Variants in GNB5 observed in about 807,000 individuals in gnomAD.
GNB5 encodes guanine nucleotide-binding protein subunit beta-5.
In GNB5, 37 loss-of-function variants were observed where a neutral mutation model predicts 55.3. That is an observed-to-expected ratio of 0.67 (90% confidence interval 0.51 to 0.88). The LOEUF (loss-of-function observed/expected upper bound fraction) is 0.88, where lower values mean the gene tolerates loss of function less well. Among genes scored for constraint, GNB5 ranks in the 40% least tolerant of loss-of-function variants. The probability of loss-of-function intolerance (pLI) is 0.00; values close to 1 mark genes in which losing one functional copy is unlikely to be tolerated. For missense variants in GNB5, 476 were observed against 515.3 expected (o/e 0.92, Z 0.74); for synonymous variants, 219 against 198.5 (o/e 1.10, Z -0.87).
chr15:52,124,467 T>C lies in GNB5; in HGVS notation c.1176+6A>G. 1 of 1,610,842 alleles carries C rather than the reference T, an allele frequency of 6.2e-7. No homozygotes were observed. Among genetic ancestry groups the C allele is most frequent in the Non-Finnish European group, 8.5e-7 (1 of 1,177,534 alleles). On this transcript the variant is annotated splice_donor_region_variant and intron_variant, in intron 12 of 12. Transcript: ENST00000261837. ...ACACAGGAAAACAGAAAACCATCCC[T>C]CTTACTCTGAGGGTATGATCCCATG...
chr15:52,154,195 C>G (rs2034160637), intron 3 of GNB5, 119 bp from the exon 4 acceptor site: 2 of 800,430 alleles, frequency 2.5e-6, no homozygotes, highest in Non-Finnish European at 3.8e-6. Flanking sequence ...TCCTCCATAA[C>G]AAGCCACAGC....
intron 3 of GNB5, among the ~76,000 whole-genome samples, chr15:52,157,863 T>C (rs1366139605): frequency 2.6e-5 from 4 of 151,166 alleles, no homozygotes; most frequent in African/African-American, 7.3e-5. Flanking sequence ...ATCCACTGAA[T>C]TAAAACAAAT....
chr15:52,124,128 G>A (rs1399958977), intron 12 of GNB5, among the ~76,000 whole-genome samples: 1 of 152,122 alleles, frequency 6.6e-6, no homozygotes, highest in African/African-American at 2.4e-5. Context: ...TATACTATAG[G>A]AGGAGAGACT....
chr15:52,179,554 G>C (rs1358974641), intron 3 of GNB5, among the ~76,000 whole-genome samples: 2 of 151,608 alleles, frequency 1.3e-5, no homozygotes, highest in Admixed American at 6.6e-5. Context: ...CAGGTGCCCG[G>C]ACCCTCCGAG....
chr15:52,168,924 A>C (rs1032024291), intron 3 of GNB5, among the ~76,000 whole-genome samples: 5 of 152,386 alleles, frequency 3.3e-5, no homozygotes, highest in African/African-American at 1.2e-4. Context: ...CATATGCAGA[A>C]GACTGAAACT....
At chr15:52,130,307 C>T (rs1427967982) in intron 9 of GNB5, among the ~76,000 whole-genome samples, 1 of 152,180 alleles carries the variant, frequency 6.6e-6, no homozygotes, top group Non-Finnish European at 1.5e-5. Flanking sequence ...CTTGGGTGGA[C>T]ATGGTAGCCA....
intron 1 of GNB5, among the ~76,000 whole-genome samples, chr15:52,190,476 T>A (rs772453969): frequency 2.0e-5 from 3 of 152,164 alleles, no homozygotes; most frequent in Non-Finnish European, 4.4e-5. Flanking sequence ...ATGAGGATAC[T>A]TATATGGTCA....
chr15:52,179,842 G>A lies in GNB5; in HGVS notation c.164C>T (p.Ala55Val), dbSNP rs148733723. 56 of 1,553,558 alleles carry A rather than the reference G, an allele frequency of 3.6e-5. No individual in the cohort carries two copies. In the African/African-American group the frequency reaches 6.7e-4, roughly 19 times the overall value. ...TEGLHENETL[A>V]SLKSEAESLK... is the part of the protein sequence containing the mutation. ...GCTCTCGGCCTCGCTCTTCAGCGAC[G>A]CCAGCGTCTCGTTCTCGTGCAGCCC... Residue 55 changes from alanine (A) to valine (V), a missense_variant, in exon 3 of 13, where the codon GCG becomes GTG. By Grantham distance (64) the Ala-to-Val change is moderately conservative (BLOSUM62 0). Transcript: ENST00000261837.
rs1168734914 is a variant in GNB5 at position 52,136,172 on chromosome 15, A to ACACACACACACACAC, written c.628-417_628-416insGTGTGTGTGTGTGTG. ...CACACACACACACACACACACACAC[A>ACACACACACACACAC]CCCTACCTGCTGTATCTGGGTTCAT... On this transcript the variant is annotated intron_variant, in intron 7 of 12. Coordinates refer to ENST00000261837, the MANE Select transcript of GNB5 (RefSeq NM_016194.4). Among the ~76,000 whole-genome samples the ACACACACACACACAC allele has an allele frequency of 1.2e-3, 124 of 100,088 alleles. 8 individuals are homozygous for ACACACACACACACAC. The highest frequency in any genetic ancestry group is 3.1e-3 in the African/African-American group (71 of 22,772). The allele number at this position is 100,088 out of a possible 152,430, so 65.7% of individuals were successfully genotyped here. A position where few individuals can be genotyped will look rare whatever the true frequency, so the allele number is the denominator to read the frequency against.
chr15:52,122,678 G>C lies in GNB5; in HGVS notation c.*79C>G, dbSNP rs1189765290. ...TAAGCTACACTGCAATAAACTCTAA[G>C]CTCCTCTAGAAGTAATATCTATTTA... On this transcript the variant is annotated 3_prime_UTR_variant, in exon 13 of 13. Coordinates refer to ENST00000261837, the MANE Select transcript of GNB5 (RefSeq NM_016194.4). 3 of 1,149,118 alleles carry C rather than the reference G, an allele frequency of 2.6e-6. No homozygotes were observed. The highest frequency in any genetic ancestry group is 4.0e-6 in the Non-Finnish European group (3 of 757,508). 71.2% of individuals were successfully genotyped at this position (1,149,118 alleles called of 1,614,324 possible). A position where few individuals can be genotyped will look rare whatever the true frequency, so the allele number is the denominator to read the frequency against.
At chr15:52,180,129 G>A (rs1416934140) in intron 2 of GNB5, 3 of 311,998 alleles carry the variant, frequency 9.6e-6, no homozygotes, top group African/African-American at 6.6e-5. Flanking sequence ...GGCAGGGAGT[G>A]TGACGCCCAT....
chr15:52,137,830 C>T, intron 7 of GNB5: 2 of 1,283,088 alleles, frequency 1.6e-6, no homozygotes, highest in South Asian at 2.5e-5. Context: ...GGGAGAAGCT[C>T]TCCCTGCCTT....
chr15:52,137,157 T>TG, intron 7 of GNB5: 1 of 853,496 alleles, frequency 1.2e-6, no homozygotes, highest in Non-Finnish European at 1.6e-6. Flanking sequence ...TTCTGCCAAG[T>TG]GGAGGTTCTC....
At chr15:52,189,594 G>T (rs947188070) in intron 1 of GNB5, among the ~76,000 whole-genome samples, 1 of 151,986 alleles carries the variant, frequency 6.6e-6, no homozygotes. Context: ...CAAAAAAAAA[G>T]AAAATATATG....
In GNB5 at chr15:52,135,640, T is replaced by C. The variant is rs2033683580; in HGVS notation, c.744A>G (p.Ser248=). The change falls in exon 8 of 13, where the codon TCA becomes TCG. Residue 248 remains serine (S), a synonymous_variant. Transcript: ENST00000261837. The stretch of plus-strand genomic sequence containing the variant: ...CAGACACGAAGGTGTTTCCAGTTTC[T>C]GAGGGGGCCAGGTCCAAGCAGAGGA... The part of the protein sequence containing the change: ...ADVLCLDLAP[S]ETGNTFVSGG... 1.1e-5 allele frequency: 18 copies of C among 1,613,680 alleles called. No individual in the cohort carries two copies. Among genetic ancestry groups the C allele is most frequent in the Non-Finnish European group, 1.4e-5 (17 of 1,179,898 alleles).
At position 52,125,730 on chromosome 15, in the gene GNB5, C is replaced by T. The variant is rs73402856; in HGVS notation, c.1009+218G>A. On this transcript the variant is annotated intron_variant, in intron 11 of 12. Transcript: ENST00000261837. ...CTTGAAGGACAGCATTAGGTGGGTA[C>T]ACAGCCTTCATTTCCCCCTGGAGTG... is the stretch of plus-strand genomic sequence containing the variant. 42,668 of 534,720 alleles carry T rather than the reference C, an allele frequency of 0.08. 5,410 individuals carry two copies. Among genetic ancestry groups the T allele is most frequent in the African/African-American group, 0.42 (22,261 of 52,452 alleles). 33.1% of individuals were successfully genotyped at this position (534,720 alleles called of 1,614,324 possible).
At chr15:52,184,005 T>G (rs1359220265) in intron 2 of GNB5, among the ~76,000 whole-genome samples, 2 of 152,244 alleles carry the variant, frequency 1.3e-5, no homozygotes, top group Non-Finnish European at 2.9e-5. Flanking sequence ...ACTGAGGCCC[T>G]GTGAGATTCC....
intron 7 of GNB5, among the ~76,000 whole-genome samples, chr15:52,138,149 G>A (rs2033769464): frequency 6.6e-6 from 1 of 151,988 alleles, no homozygotes; most frequent in Non-Finnish European, 1.5e-5. Flanking sequence ...TTGGGAGGCT[G>A]AGGTGGGCGG....
chr15:52,132,744 C>A (rs2033611461), intron 9 of GNB5, among the ~76,000 whole-genome samples: 1 of 151,270 alleles, frequency 6.6e-6, no homozygotes, highest in Non-Finnish European at 1.5e-5. Context: ...ACAGAGCGAT[C>A]TTTTAAAGGC....
Sources: gnomAD v4.1 joint callset for allele counts (sites outside exome capture counted in the v4.1 genomes callset) on GRCh38, gnomAD v4.1.1 for gene constraint, MANE v1.5 for transcripts, NCBI Gene and HGNC (gene_info 2026-07-23, HGNC 2026-07-21) for gene names.